Variants in HEPACAM2 observed in about 807,000 individuals in gnomAD.
The protein encoded by HEPACAM2 is mitotic kinetics regulator.
HEPACAM2 carries 49 observed loss-of-function variants against 49.6 expected under a neutral mutation model. That is an observed-to-expected ratio of 0.99 (90% CI 0.78 to 1.25). HEPACAM2 has a LOEUF of 1.25. HEPACAM2 is among the 50% of genes most tolerant of loss of function. HEPACAM2 has a pLI of 0.00. For missense variants in HEPACAM2, 525 were observed against 557.2 expected, an observed-to-expected ratio of 0.94 and a Z score of 0.58; for synonymous variants, 197 against 202.9, an observed-to-expected ratio of 0.97 and a Z score of 0.25.
At chr7:93,205,360 A>G (rs1365785210) in intron 4 of HEPACAM2, among the ~76,000 whole-genome samples, 2 of 152,080 alleles carry the variant, frequency 1.3e-5, no homozygotes, top group Non-Finnish European at 1.5e-5. Context: ...AAACTTGATT[A>G]TTTCCTGACC....
intron 9 of HEPACAM2, among the ~76,000 whole-genome samples, chr7:93,190,553 G>A (rs1009903072): frequency 6.6e-6 from 1 of 151,992 alleles, no homozygotes; most frequent in Non-Finnish European, 1.5e-5. Flanking sequence ...GTTTGGGCTG[G>A]TAGCATGAGC....
At chr7:93,216,742 CCTT>C (rs958329638) in intron 2 of HEPACAM2, among the ~76,000 whole-genome samples, 4 of 152,116 alleles carry the variant, frequency 2.6e-5, no homozygotes, top group African/African-American at 9.7e-5. Context: ...TTAATAATCT[CCTT>C]CTATGTATGA....
intron 8 of HEPACAM2, among the ~76,000 whole-genome samples, chr7:93,192,597 AT>A (rs1364370202): frequency 6.6e-6 from 1 of 152,032 alleles, no homozygotes; most frequent in Non-Finnish European, 1.5e-5. Flanking sequence ...AAAGCTATGG[AT>A]TTTTTCTTCA....
At chr7:93,230,306 G>C (rs182274457), upstream of HEPACAM2, among the ~76,000 whole-genome samples, 1 of 152,128 alleles carries the variant, frequency 6.6e-6, no homozygotes, top group African/African-American at 2.4e-5. Flanking sequence ...ATGTGGTCTC[G>C]AACCCTTATA....
intron 3 of HEPACAM2, among the ~76,000 whole-genome samples, chr7:93,214,690 T>G (rs1214511987): frequency 1.3e-5 from 2 of 152,178 alleles, no homozygotes; most frequent in Non-Finnish European, 2.9e-5. Context: ...TCTCCCATTT[T>G]TATATTTTCC....
upstream of HEPACAM2, among the ~76,000 whole-genome samples, chr7:93,228,031 T>A (rs1047683245): frequency 2.6e-5 from 4 of 152,300 alleles, no homozygotes; most frequent in Admixed American, 2.6e-4. Flanking sequence ...ATATGGAAGT[T>A]CTACAGATAT....
rs570408507 is a variant in HEPACAM2, at chr7:93,210,117, T to C, written c.716-1241A>G. ...GAGAATAAGGAAAATTTTAAAAAAT[T>C]CTTCTCCTAGATAGGTTTTCTCATT... On this transcript the variant is annotated intron_variant, in intron 3 of 9. Coordinates refer to ENST00000394468, the MANE Select transcript of HEPACAM2 (RefSeq NM_001039372.4). 2.1e-4 allele frequency among the ~76,000 whole-genome samples: 32 copies of C among 152,068 alleles called. No homozygotes were observed. In the South Asian group the frequency reaches 6.2e-3, roughly 30 times the overall value.
chr7:93,215,741 AC>A, intron 2 of HEPACAM2, 56 bp from the exon 3 acceptor site: 1 of 1,548,654 alleles, frequency 6.5e-7, no homozygotes, highest in African/African-American at 1.4e-5. Context: ...ATATAATAAA[AC>A]CCTATGAGGT....
intron 4 of HEPACAM2, among the ~76,000 whole-genome samples, chr7:93,202,564 T>C (rs565324706): frequency 6.6e-6 from 1 of 152,246 alleles, no homozygotes; most frequent in East Asian, 1.9e-4. Context: ...TTTCACTTCT[T>C]AATAGCCAGA....
intron 1 of HEPACAM2, among the ~76,000 whole-genome samples, chr7:93,221,551 C>A (rs1286324458): frequency 2.0e-5 from 3 of 152,110 alleles, no homozygotes; most frequent in Non-Finnish European, 2.9e-5. Flanking sequence ...GAGGTAGAAG[C>A]AAAGATTCCC....
At chr7:93,211,252 C>T (rs1794171613) in intron 3 of HEPACAM2, among the ~76,000 whole-genome samples, 1 of 152,032 alleles carries the variant, frequency 6.6e-6, no homozygotes, top group Non-Finnish European at 1.5e-5. Flanking sequence ...AATAAACCTG[C>T]ATGAGATAAG....
intron 6 of HEPACAM2, 47 bp downstream of exon 6, chr7:93,197,326 T>G: frequency 6.2e-7 from 1 of 1,606,596 alleles, no homozygotes; most frequent in Non-Finnish European, 8.5e-7. Flanking sequence ...AATTGAGGAA[T>G]AAGCATCTAA....
At chr7:93,218,113 C>A (rs1794355488) in intron 2 of HEPACAM2, among the ~76,000 whole-genome samples, 1 of 151,976 alleles carries the variant, frequency 6.6e-6, no homozygotes, top group Non-Finnish European at 1.5e-5. Context: ...AGCATGAAGG[C>A]CAGCATGGCC....
rs80158728 is a variant in HEPACAM2 at position 93,194,921 on chromosome 7, C to CTTTTTTTT, written c.1275+899_1275+906dup. 2.4e-4 allele frequency among the ~76,000 whole-genome samples: 28 copies of CTTTTTTTT among 118,164 alleles called. 1 individual carries two copies. In the East Asian group the frequency reaches 2.6e-3, roughly 11 times the overall value. 77.5% of individuals were successfully genotyped at this position (118,164 alleles called of 152,430 possible). A position where few individuals can be genotyped will look rare whatever the true frequency, so the allele number is the denominator to read the frequency against. ...AGAAAAACTGATTACTTTAAAAGAT[C>CTTTTTTTT]TTTTTTTTTTTTTTTTTTCCGGACT... is the stretch of plus-strand genomic sequence containing the variant. On this transcript the variant is annotated intron_variant, in intron 8 of 9. Coordinates refer to ENST00000394468, the MANE Select transcript of HEPACAM2 (RefSeq NM_001039372.4).
intron 4 of HEPACAM2, among the ~76,000 whole-genome samples, chr7:93,198,310 T>C (rs1264367210): frequency 6.6e-6 from 1 of 152,052 alleles, no homozygotes; most frequent in Non-Finnish European, 1.5e-5. Context: ...GCATGATACA[T>C]ATTAACTCAC....
In HEPACAM2 at chr7:93,192,457, A is replaced by G. The variant is rs543096388; in HGVS notation, c.1276-94T>C. ...TAGTTGAAAACAACTGGCAGTAGTG[A>G]TGATTAGAGAATTAGAACTATTTAT... is the stretch of plus-strand genomic sequence containing the variant. On this transcript the variant is annotated intron_variant, in intron 8 of 9. Transcript: ENST00000394468. 4 of 853,894 alleles carry G rather than the reference A, an allele frequency of 4.7e-6. No individual in the cohort carries two copies. In the South Asian group the frequency reaches 6.2e-5, roughly 13 times the overall value. The allele number at this position is 853,894 out of a possible 1,614,324, so 52.9% of individuals were successfully genotyped here. A position where few individuals can be genotyped will look rare whatever the true frequency, so the allele number is the denominator to read the frequency against.
At position 93,217,391 on chromosome 7, in the gene HEPACAM2, C is replaced by T. The variant is rs570842335; in HGVS notation, c.431-1706G>A. ...TTGGCATGGGGCCTAAAACCCTATT[C>T]AGGCTTTACTAAGTTTTTGGTTGCA... On this transcript the variant is annotated intron_variant, in intron 2 of 9. Coordinates refer to ENST00000394468, the MANE Select transcript of HEPACAM2 (RefSeq NM_001039372.4). Among the ~76,000 whole-genome samples, 3 of 152,266 alleles carry T rather than the reference C, an allele frequency of 2.0e-5. 1 individual carries two copies. In the South Asian group the frequency reaches 6.2e-4, roughly 32 times the overall value.
At chr7:93,216,991 C>T (rs554158483) in intron 2 of HEPACAM2, among the ~76,000 whole-genome samples, 3 of 152,184 alleles carry the variant, frequency 2.0e-5, no homozygotes, top group Admixed American at 6.5e-5. Context: ...GAAAGGAAGT[C>T]GAAAGGTAAC....
At chr7:93,209,674 C>G (rs1238378030) in intron 3 of HEPACAM2, among the ~76,000 whole-genome samples, 1 of 151,900 alleles carries the variant, frequency 6.6e-6, no homozygotes, top group Non-Finnish European at 1.5e-5. Flanking sequence ...TTAGCTTCTA[C>G]ACATTAATAT....
Sources: gnomAD v4.1 joint callset for allele counts (sites outside exome capture counted in the v4.1 genomes callset) on GRCh38, gnomAD v4.1.1 for gene constraint, MANE v1.5 for transcripts, NCBI Gene and HGNC (gene_info 2026-07-23, HGNC 2026-07-21) for gene names.